The following SLC25A51 variants were observed in gnomAD, a reference collection of about 807,000 sequenced individuals.
SLC25A51 encodes solute carrier family 25 member 51.
SLC25A51 carries 11 observed loss-of-function variants against 19.1 expected under a neutral mutation model. The ratio of observed to expected loss-of-function variants is 0.58; its 90% confidence interval spans 0.36 to 0.96. SLC25A51 has a LOEUF of 0.96. SLC25A51 is among the 40% of genes least tolerant of loss of function. SLC25A51 has a pLI of 0.01. For synonymous variants in SLC25A51, 105 were observed against 133.6 expected (o/e 0.79, Z 1.47); for missense variants, 201 against 365.4 (o/e 0.55, Z 3.67).
At chr9:37,881,075 A>G (rs1831340065) in intron 3 of SLC25A51, among the ~76,000 whole-genome samples, 1 of 152,198 alleles carries the variant, frequency 6.6e-6, no homozygotes, top group Non-Finnish European at 1.5e-5. Context: ...GGCAACCTCA[A>G]TGATCTCTAA....
downstream of SLC25A51, among the ~76,000 whole-genome samples, chr9:37,886,550 A>G (rs1288459338): frequency 6.6e-6 from 1 of 152,142 alleles, no homozygotes; most frequent in Non-Finnish European, 1.5e-5. Context: ...GGGAATTGTC[A>G]GGCACCCTAC....
At chr9:37,899,284 T>C (rs1320322659) in intron 2 of SLC25A51, among the ~76,000 whole-genome samples, 1 of 152,252 alleles carries the variant, frequency 6.6e-6, no homozygotes, top group Non-Finnish European at 1.5e-5. Flanking sequence ...TAAATGCTAC[T>C]TGGCCGTGGT....
chr9:37,885,353 A>AAC (rs1564065683), downstream of SLC25A51, among the ~76,000 whole-genome samples: 1 of 136,622 alleles, frequency 7.3e-6, no homozygotes, highest in Admixed American at 7.3e-5. Context: ...AAAAAAAAAA[A>AAC]AAAAAAAAAA....
At chr9:37,882,424 A>G (rs1564064461) in intron 2 of SLC25A51, among the ~76,000 whole-genome samples, 1 of 152,178 alleles carries the variant, frequency 6.6e-6, no homozygotes, top group Non-Finnish European at 1.5e-5. Context: ...ACAGCCTTAT[A>G]CTGAGCATTA....
intron 2 of SLC25A51, among the ~76,000 whole-genome samples, chr9:37,897,920 C>T (rs1831756565): frequency 6.6e-6 from 1 of 152,114 alleles, no homozygotes; most frequent in South Asian, 2.1e-4. Context: ...ATCATCTACC[C>T]CTGCCCATCT....
chr9:37,881,481 A>C (rs1831348701), intron 3 of SLC25A51: 1 of 152,030 alleles, frequency 6.6e-6, no homozygotes. Flanking sequence ...CATGATGAAA[A>C]TCTCTACAAA....
chr9:37,878,619 TGAAATCCCGGA>T (rs909368241), downstream of SLC25A51: 1 of 156,678 alleles, frequency 6.4e-6, no homozygotes, highest in African/African-American at 2.4e-5. Flanking sequence ...AGGCTGTTTT[TGAAATCCCGGA>T]GAAATCCCGG....
downstream of SLC25A51, chr9:37,879,011 T>C: frequency 3.8e-6 from 1 of 265,764 alleles, no homozygotes; most frequent in South Asian, 4.7e-5. Context: ...GAGTTGCTTT[T>C]GAAATCAGAA....
downstream of SLC25A51, chr9:37,879,007 C>T (rs1831303411): frequency 7.6e-6 from 2 of 263,114 alleles, no homozygotes; most frequent in Non-Finnish European, 1.6e-5. Context: ...AGTAGAGTTG[C>T]TTTTGAAATC....
At chr9:37,886,125 G>GC, downstream of SLC25A51, 1 of 1,446,536 alleles carries the variant, frequency 6.9e-7, no homozygotes, top group South Asian at 1.1e-5. Context: ...TACAAAGTGA[G>GC]CACATCACCC....
At chr9:37,890,175 C>T (rs906408562) in intron 2 of SLC25A51, among the ~76,000 whole-genome samples, 15 of 151,990 alleles carry the variant, frequency 9.9e-5, no homozygotes, top group Non-Finnish European at 2.1e-4. Context: ...GCTTGAATCA[C>T]GAGTTTGAGA....
At chr9:37,891,634 T>C (rs1831588858) in intron 2 of SLC25A51, among the ~76,000 whole-genome samples, 1 of 152,078 alleles carries the variant, frequency 6.6e-6, no homozygotes, top group Non-Finnish European at 1.5e-5. Context: ...AGATGTGCTT[T>C]GTTAAACAGA....
Position 37,887,631 on chromosome 9 carries a change from T to TA in SLC25A51, c.*25dup. 1 of 1,585,368 alleles carries TA rather than the reference T, an allele frequency of 6.3e-7. No individual in the cohort carries two copies. Among genetic ancestry groups the TA allele is most frequent in the South Asian group, 1.2e-5 (1 of 86,418 alleles). On this transcript the variant is annotated 3_prime_UTR_variant, in exon 3 of 3. Coordinates refer to ENST00000242275, the MANE Select transcript of SLC25A51 (RefSeq NM_033412.4). ...CTTCTTAGAAGGTCTATTCAGTTGA[T>TA]AAATGGCACTTAACTGATGGTTTTT...
chr9:37,885,033 T>C (rs1831417648), downstream of SLC25A51, among the ~76,000 whole-genome samples: 1 of 152,192 alleles, frequency 6.6e-6, no homozygotes, highest in Admixed American at 6.5e-5. Flanking sequence ...GAAAAGCCTA[T>C]ACCTAATAAG....
At position 37,888,578 on chromosome 9, in the gene SLC25A51, A is replaced by C; in HGVS notation, c.-28T>G. On this transcript the variant is annotated 5_prime_UTR_variant, in exon 3 of 3. Transcript: ENST00000242275. ...TGCTTAAGATCTTTCTTTTTCATGAAGGACTTTTTTTAACCTACAAATAAT... is the reference window on the plus strand; with the variant it reads ...TGCTTAAGATCTTTCTTTTTCATGACGGACTTTTTTTAACCTACAAATAAT... 1 of 1,562,636 alleles carries C rather than the reference A, an allele frequency of 6.4e-7. No individual in the cohort carries two copies. The highest frequency in any genetic ancestry group is 2.2e-5 in the East Asian group (1 of 44,518).
chr9:37,895,883 G>A (rs941945494), intron 2 of SLC25A51, among the ~76,000 whole-genome samples: 1 of 150,568 alleles, frequency 6.6e-6, no homozygotes, highest in Non-Finnish European at 1.5e-5. Context: ...GCATGATCTC[G>A]GCTCACTGCA....
chr9:37,902,895 A>G (rs1411274008), intron 1 of SLC25A51, among the ~76,000 whole-genome samples: 1 of 152,174 alleles, frequency 6.6e-6, no homozygotes, highest in Non-Finnish European at 1.5e-5. Flanking sequence ...GGAGAGGGTG[A>G]CTCCAATTCT....
Position 37,888,135 on chromosome 9 carries a change from T to C in SLC25A51, c.416A>G (p.Glu139Gly). ...GTCTTGAAGCAATGTCTGAACTCTT[T>C]CCAGTGGAGTGAAAATTGCTTCTGT... The part of the protein sequence containing the change: ...GTTEAIFTPL[E>G]RVQTLLQDHK... The change falls in exon 3 of 3, where the codon GAA becomes GGA. Residue 139 changes from glutamate to glycine, a missense_variant. Physicochemically the swap from Glu to Gly is moderately conservative, Grantham distance 98. Transcript: ENST00000242275. 1.9e-6 allele frequency: 3 copies of C among 1,613,976 alleles called. No homozygotes were observed. The highest frequency in any genetic ancestry group is 2.5e-6 in the Non-Finnish European group (3 of 1,179,868).
chr9:37,886,031 G>C, downstream of SLC25A51: 1 of 1,613,518 alleles, frequency 6.2e-7, no homozygotes, highest in Non-Finnish European at 8.5e-7. Context: ...CCCTATCTAT[G>C]CTGACCTCTC....
Sources: allele counts gnomAD v4.1 joint callset (sites outside exome capture counted in the v4.1 genomes callset), GRCh38; gene constraint gnomAD v4.1.1; transcripts MANE v1.5; gene names NCBI Gene and HGNC (gene_info 2026-07-23, HGNC 2026-07-21).